GMFB: variants seen among roughly 807,000 people sequenced by gnomAD.
The protein encoded by GMFB is GMF-beta.
Under a neutral mutation model 25.6 loss-of-function variants are expected in GMFB, and 13 were observed. The ratio of observed to expected loss-of-function variants is 0.51; its 90% confidence interval spans 0.33 to 0.81. GMFB has a LOEUF of 0.81. Ranked by LOEUF, GMFB falls within the 30% of genes least tolerant of loss-of-function variation. GMFB has a pLI of 0.02. For synonymous variants in GMFB, 57 were observed against 56.9 expected (o/e 1.00, Z 0.00); for missense variants, 146 against 175.4 (o/e 0.83, Z 0.95).
At position 54,480,947 on chromosome 14, in the gene GMFB, C is replaced by T. The variant is rs891876023; in HGVS notation, c.210G>A (p.Val70=). The part of the protein sequence containing the change: ...ELPERQPRFI[V]YSYKYQHDDG... ...CATCATGTTGATATTTATAACTATA[C>T]ACAATGAAGGTTTTTCTCAAGTTAA... is the stretch of plus-strand genomic sequence containing the variant. Residue 70 remains valine, a synonymous_variant, in exon 5 of 7, where the codon GTG becomes GTA. Transcript: ENST00000358056. The T allele has an allele frequency of 5.4e-6, 8 of 1,483,180 alleles. No individual in the cohort carries two copies. The highest frequency in any genetic ancestry group is 6.5e-6 in the Non-Finnish European group (7 of 1,072,272). The allele number at this position is 1,483,180 out of a possible 1,614,324, so 91.9% of individuals were successfully genotyped here.
At chr14:54,487,909 G>A (rs2031810209) in intron 1 of GMFB, among the ~76,000 whole-genome samples, 1 of 152,198 alleles carries the variant, frequency 6.6e-6, no homozygotes, top group South Asian at 2.1e-4. Context: ...AGAATAGTCT[G>A]AAAGGGAAAC....
At chr14:54,487,998 A>T (rs1464627550) in intron 1 of GMFB, among the ~76,000 whole-genome samples, 1 of 152,208 alleles carries the variant, frequency 6.6e-6, no homozygotes, top group Non-Finnish European at 1.5e-5. Context: ...AGAATGCTTC[A>T]AAAACAAGAG....
chr14:54,487,599 G>T (rs759445485), intron 1 of GMFB, among the ~76,000 whole-genome samples: 1 of 152,196 alleles, frequency 6.6e-6, no homozygotes, highest in Non-Finnish European at 1.5e-5. Flanking sequence ...TGTAATCCCA[G>T]CTACTTGGGA....
chr14:54,483,524 A>G, intron 2 of GMFB, 147 bp downstream of exon 2: 2 of 609,974 alleles, frequency 3.3e-6, no homozygotes, highest in Non-Finnish European at 5.9e-6. Flanking sequence ...GCTGTTACTT[A>G]TTTTTTAAAG....
chr14:54,482,267 A>G lies in GMFB; in HGVS notation c.101-65T>C, dbSNP rs149651228. On this transcript the variant is annotated intron_variant, in intron 2 of 6. Transcript: ENST00000358056. Reference sequence around the variant, plus strand: ...TGTGACCCTGATCTGCCCAACCCACACAATCTCAGCCTTTTTTTTCGGACA... The same window carrying G: ...TGTGACCCTGATCTGCCCAACCCACGCAATCTCAGCCTTTTTTTTCGGACA... The G allele has an allele frequency of 7.5e-4, 728 of 975,834 alleles. No homozygotes were observed. In the African/African-American group the frequency reaches 9.8e-3, roughly 13 times the overall value. 60.4% of individuals were successfully genotyped at this position (975,834 alleles called of 1,614,324 possible).
chr14:54,487,181 A>G (rs1271816550), intron 1 of GMFB, among the ~76,000 whole-genome samples: 1 of 152,022 alleles, frequency 6.6e-6, no homozygotes, highest in African/African-American at 2.4e-5. Flanking sequence ...GGATCACTTG[A>G]GGTCAGGAGA....
intron 5 of GMFB, 82 bp downstream of exon 5, chr14:54,480,792 A>G: frequency 1.4e-6 from 1 of 727,652 alleles, no homozygotes; most frequent in Non-Finnish European, 2.4e-6. Flanking sequence ...TTCATCTTTA[A>G]AAACAGCAGA....
chr14:54,482,237 T>C, intron 2 of GMFB, 35 bp from the exon 3 acceptor site: 1 of 1,430,906 alleles, frequency 7.0e-7, no homozygotes, highest in Non-Finnish European at 9.9e-7. Context: ...AAGCTGGGAT[T>C]CTAATGTGAC....
At chr14:54,479,173 T>A (rs1168364049) in intron 6 of GMFB, 2 of 152,134 alleles carry the variant, frequency 1.3e-5, no homozygotes, top group African/African-American at 4.8e-5. Context: ...TTTGGCAATA[T>A]AATATCCTAT....
At position 54,480,920 on chromosome 14, in the gene GMFB, A is replaced by C; in HGVS notation, c.237T>G (p.Asp79Glu). The C allele has an allele frequency of 6.5e-7, 1 of 1,539,790 alleles. No homozygotes were observed. The highest frequency in any genetic ancestry group is 8.9e-7 in the Non-Finnish European group (1 of 1,121,124). The change falls in exon 5 of 7, where the codon GAT (aspartate) becomes GAG (glutamate). Residue 79 changes from aspartate to glutamate, a missense_variant. Coordinates refer to ENST00000358056, the MANE Select transcript of GMFB (RefSeq NM_004124.3). ...AGCACAGAGGATATGAAACTCTTCC[A>C]TCATCATGTTGATATTTATAACTAT... ...IVYSYKYQHD[D>E]GRVSYPLCFI... is the part of the protein sequence containing the mutation.
chr14:54,482,041 GTATT>G lies in GMFB; in HGVS notation c.150+108_150+111del, dbSNP rs1350147990. ...ACATGCTTTTATGCATAATGAGCAT[GTATT>G]TAAAGGAGGTTCAAGATTCGTTTTA... On this transcript the variant is annotated intron_variant, in intron 3 of 6. Transcript: ENST00000358056. The G allele has an allele frequency of 5.8e-6, 4 of 688,426 alleles. No homozygotes were observed. In the African/African-American group the frequency reaches 7.3e-5, roughly 13 times the overall value. 42.6% of individuals were successfully genotyped at this position (688,426 alleles called of 1,614,324 possible).
chr14:54,482,505 A>T (rs1410518623), intron 2 of GMFB, among the ~76,000 whole-genome samples: 1 of 152,188 alleles, frequency 6.6e-6, no homozygotes, highest in Non-Finnish European at 1.5e-5. Flanking sequence ...CAACTTCTAG[A>T]TAATAAGAAA....
At chr14:54,482,292 A>T (rs997989620) in intron 2 of GMFB, 90 bp from the exon 3 acceptor site, 7 of 770,032 alleles carry the variant, frequency 9.1e-6, no homozygotes, top group Non-Finnish European at 1.6e-5. Flanking sequence ...TTTTTCGGAC[A>T]TCTAAAATTA....
chr14:54,479,656 G>C, intron 6 of GMFB, 130 bp downstream of exon 6: 4 of 533,402 alleles, frequency 7.5e-6, no homozygotes, highest in Non-Finnish European at 1.3e-5. Context: ...AAAAAGCTTT[G>C]GCTAACTTAC....
At chr14:54,488,691 A>C in intron 1 of GMFB, 1 of 485,260 alleles carries the variant, frequency 2.1e-6, no homozygotes. Context: ...CCCTAGTCCC[A>C]TGGCCCGCTG....
rs966786064 is a variant in GMFB, at chr14:54,477,537, C to T, written c.*551G>A. 1.4e-4 allele frequency: 22 copies of T among 151,912 alleles called. No individual in the cohort carries two copies. Among genetic ancestry groups the T allele is most frequent in the African/African-American group, 5.1e-4 (21 of 41,388 alleles). The allele number at this position is 151,912 out of a possible 1,614,324, so 9.4% of individuals were successfully genotyped here. On this transcript the variant is annotated 3_prime_UTR_variant, in exon 7 of 7. Coordinates refer to ENST00000358056, the MANE Select transcript of GMFB (RefSeq NM_004124.3). ...AATGAGTGACTGATGAACATAGTTT[C>T]TAGACTTGATTAAAAAGATACAGGA... is the stretch of plus-strand genomic sequence containing the variant.
intron 1 of GMFB, among the ~76,000 whole-genome samples, chr14:54,486,321 A>T (rs1187480906): frequency 1.3e-5 from 2 of 152,188 alleles, no homozygotes; most frequent in Non-Finnish European, 2.9e-5. Flanking sequence ...ATCAAAATGG[A>T]TTAAAGACTT....
At chr14:54,482,261 A>G (rs1293198134) in intron 2 of GMFB, 59 bp from the exon 3 acceptor site, 1 of 1,058,906 alleles carries the variant, frequency 9.4e-7, no homozygotes, top group East Asian at 2.4e-5. Context: ...GATCTGCCCA[A>G]CCCACACAAT....
chr14:54,487,638 G>A (rs942050587), intron 1 of GMFB, among the ~76,000 whole-genome samples: 7 of 152,222 alleles, frequency 4.6e-5, no homozygotes, highest in Non-Finnish European at 8.8e-5. Context: ...GCTTGAACCT[G>A]GGAGGCGGAG....
Sources: allele counts gnomAD v4.1 joint callset (sites outside exome capture counted in the v4.1 genomes callset), GRCh38; gene constraint gnomAD v4.1.1; transcripts MANE v1.5; gene names NCBI Gene and HGNC (gene_info 2026-07-23, HGNC 2026-07-21).